Variants in CBFB observed in about 807,000 individuals in gnomAD.
The protein encoded by CBFB is core-binding factor subunit beta, also known as CBF-beta.
A neutral mutation model predicts 30.4 loss-of-function variants in CBFB; 9 were observed. That is an observed-to-expected ratio of 0.30 (90% CI 0.18 to 0.52). The LOEUF (loss-of-function observed/expected upper bound fraction) is 0.52. CBFB is among the 20% of genes least tolerant of loss of function. CBFB has a pLI of 0.97. For synonymous variants in CBFB, 94 were observed against 84.0 expected (o/e 1.12, Z -0.65); for missense variants, 170 against 244.0 (o/e 0.70, Z 2.02).
chr16:67,091,861 G>GT (rs142582516), intron 5 of CBFB, among the ~76,000 whole-genome samples: 44 of 151,812 alleles, frequency 2.9e-4, no homozygotes, highest in East Asian at 9.7e-4. Context: ...TGTTGTTGTT[G>GT]TTGTTTGTTT....
chr16:67,066,993 A>G (rs1230088583), intron 4 of CBFB, 195 bp downstream of exon 4: 3 of 417,564 alleles, frequency 7.2e-6, no homozygotes, highest in Middle Eastern at 7.0e-4. Context: ...CAGCAGTTCT[A>G]AATTTCATGG....
chr16:67,080,109 T>A (rs1597154066), intron 4 of CBFB, among the ~76,000 whole-genome samples: 1 of 152,230 alleles, frequency 6.6e-6, no homozygotes, highest in African/African-American at 2.4e-5. Context: ...ATAATAATAA[T>A]AAATTCTAGT....
intron 3 of CBFB, among the ~76,000 whole-genome samples, chr16:67,063,755 C>T (rs1336544256): frequency 2.0e-5 from 3 of 152,060 alleles, no homozygotes; most frequent in Non-Finnish European, 4.4e-5. Flanking sequence ...TCTATAAGTA[C>T]TATTTTAAAG....
chr16:67,098,591 T>C (rs1243766787), intron 5 of CBFB, 119 bp from the exon 6 acceptor site: 1 of 615,262 alleles, frequency 1.6e-6, no homozygotes, highest in Non-Finnish European at 3.0e-6. Flanking sequence ...GTGACTATAT[T>C]GGCTGAAAAC....
intron 1 of CBFB, 64 bp from the exon 2 acceptor site, chr16:67,029,663 G>T (rs1966297497): frequency 7.6e-6 from 11 of 1,453,256 alleles, no homozygotes; most frequent in Non-Finnish European, 1.0e-5. Flanking sequence ...GCTGCGCTGG[G>T]AGGGCGGGCG....
intron 3 of CBFB, among the ~76,000 whole-genome samples, chr16:67,045,685 A>G (rs538804196): frequency 4.5e-4 from 69 of 152,152 alleles, no homozygotes; most frequent in African/African-American, 1.6e-3. Flanking sequence ...TAAAGGTGAA[A>G]TTCTCTTTCA....
In CBFB at chr16:67,082,452, G is replaced by A. The variant is rs79440925; in HGVS notation, c.495+144G>A. ...AAAAAGTTGTACTCTCTGGCTTTGTGTTTATTAAATGTAATTGCTATAAAG... is the reference window on the plus strand; with the variant it reads ...AAAAAGTTGTACTCTCTGGCTTTGTATTTATTAAATGTAATTGCTATAAAG... On this transcript the variant is annotated intron_variant, in intron 5 of 5. Transcript: ENST00000412916. The A allele has an allele frequency of 0.04, 37,492 of 944,224 alleles. 1,270 individuals carry two copies. Among genetic ancestry groups the A allele is most frequent in the African/African-American group, 0.13 (7,760 of 60,036 alleles). The allele number at this position is 944,224 out of a possible 1,614,324, so 58.5% of individuals were successfully genotyped here.
intron 5 of CBFB, among the ~76,000 whole-genome samples, chr16:67,082,680 A>G (rs1187863968): frequency 2.6e-5 from 4 of 152,128 alleles, no homozygotes. Context: ...AACTCGAGTA[A>G]TACTACTTTC....
chr16:67,063,532 C>G (rs1457057711), intron 3 of CBFB, among the ~76,000 whole-genome samples: 1 of 152,068 alleles, frequency 6.6e-6, no homozygotes, highest in African/African-American at 2.4e-5. Flanking sequence ...ACCTCTGCCT[C>G]CCAGGTTCAA....
At chr16:67,091,861 GTTGTT>G (rs984716877) in intron 5 of CBFB, among the ~76,000 whole-genome samples, 2 of 151,696 alleles carry the variant, frequency 1.3e-5, no homozygotes, top group African/African-American at 2.4e-5. Context: ...TGTTGTTGTT[GTTGTT>G]TGTTTGTTTG....
At position 67,094,117 on chromosome 16, in the gene CBFB, C is replaced by CT. The variant is rs757109594; in HGVS notation, c.496-4572dup. Among the ~76,000 whole-genome samples, 889 of 130,552 alleles carry CT rather than the reference C, an allele frequency of 6.8e-3. 9 individuals are homozygous for CT. The highest frequency in any genetic ancestry group is 0.012 in the African/African-American group (387 of 32,968). 85.6% of individuals were successfully genotyped at this position (130,552 alleles called of 152,430 possible). ...ATTTGTACTGTTAGACTTCCTCCCT[C>CT]TTTTTTTTTTTTTTTTTTTTTAAAG... On this transcript the variant is annotated intron_variant, in intron 5 of 5. Coordinates refer to ENST00000412916, the MANE Select transcript of CBFB (RefSeq NM_022845.3).
At chr16:67,030,609 T>C (rs1966322646) in intron 2 of CBFB, among the ~76,000 whole-genome samples, 1 of 152,170 alleles carries the variant, frequency 6.6e-6, no homozygotes, top group African/African-American at 2.4e-5. Flanking sequence ...TGATTATTAC[T>C]ATTTTTTTGA....
rs770447315 is a variant in CBFB, at chr16:67,066,646, G to A, written c.283-36G>A. 7.2e-6 allele frequency: 8 copies of A among 1,114,228 alleles called. No homozygotes were observed. In the African/African-American group the frequency reaches 1.1e-4, roughly 15 times the overall value. The allele number at this position is 1,114,228 out of a possible 1,614,324, so 69.0% of individuals were successfully genotyped here. A position where few individuals can be genotyped will look rare whatever the true frequency, so the allele number is the denominator to read the frequency against. On this transcript the variant is annotated intron_variant, in intron 3 of 5. Coordinates refer to ENST00000412916, the MANE Select transcript of CBFB (RefSeq NM_022845.3). ...ATCTTTTTATTTTCATGTGTCTGATGGTTTTCAATTATTTTCATCCTTTTC... is the reference window on the plus strand; with the variant it reads ...ATCTTTTTATTTTCATGTGTCTGATAGTTTTCAATTATTTTCATCCTTTTC...
chr16:67,069,736 C>T (rs142562114), intron 4 of CBFB, among the ~76,000 whole-genome samples: 28 of 152,316 alleles, frequency 1.8e-4, no homozygotes, highest in African/African-American at 4.8e-4. Flanking sequence ...ATTCCTCACA[C>T]GCGAAGGAAC....
At chr16:67,052,566 A>C (rs1449969887) in intron 3 of CBFB, among the ~76,000 whole-genome samples, 1 of 150,008 alleles carries the variant, frequency 6.7e-6, no homozygotes, top group Non-Finnish European at 1.5e-5. Context: ...AAGGAGGGAG[A>C]CCCTGTCTCT....
chr16:67,087,917 G>T (rs922431798), intron 5 of CBFB, among the ~76,000 whole-genome samples: 2 of 152,124 alleles, frequency 1.3e-5, no homozygotes, highest in Non-Finnish European at 2.9e-5. Context: ...CTTCTTTTTA[G>T]CACTAAAAGC....
chr16:67,050,018 T>G (rs567262303), intron 3 of CBFB, among the ~76,000 whole-genome samples: 1 of 152,010 alleles, frequency 6.6e-6, no homozygotes, highest in African/African-American at 2.4e-5. Flanking sequence ...TTTTTACCCC[T>G]AAGTCTGTTC....
At chr16:67,042,399 T>G (rs1966547171) in intron 3 of CBFB, among the ~76,000 whole-genome samples, 1 of 152,214 alleles carries the variant, frequency 6.6e-6, no homozygotes, top group Non-Finnish European at 1.5e-5. Flanking sequence ...TCCTCCCACC[T>G]TGGCCTCCCA....
At chr16:67,086,670 A>G (rs902325188) in intron 5 of CBFB, among the ~76,000 whole-genome samples, 1 of 152,222 alleles carries the variant, frequency 6.6e-6, no homozygotes, top group Non-Finnish European at 1.5e-5. Flanking sequence ...AAGATTCTAA[A>G]TATTTATAAT....
Sources: gnomAD v4.1 joint callset for allele counts (sites outside exome capture counted in the v4.1 genomes callset) on GRCh38, gnomAD v4.1.1 for gene constraint, MANE v1.5 for transcripts, NCBI Gene and HGNC (gene_info 2026-07-23, HGNC 2026-07-21) for gene names.